Variants in KDM5B observed in about 807,000 individuals in gnomAD.
KDM5B encodes the protein lysine-specific demethylase 5B.
KDM5B carries 144 observed loss-of-function variants against 193.4 expected under a neutral mutation model. The ratio of observed to expected loss-of-function variants is 0.74; its 90% CI spans 0.65 to 0.86. The LOEUF is 0.86. Among genes scored for constraint, KDM5B ranks in the 40% least tolerant of loss-of-function variants. The pLI, the probability that KDM5B is intolerant of heterozygous loss-of-function variation, is 0.00. For missense variants in KDM5B, 1,833 were observed against 1,886.9 expected (o/e 0.97, Z 0.53); for synonymous variants, 668 against 682.6 (o/e 0.98, Z 0.33).
intron 8 of KDM5B, among the ~76,000 whole-genome samples, chr1:202,759,967 G>A (rs1656180101): frequency 6.6e-6 from 1 of 152,008 alleles, no homozygotes; most frequent in Non-Finnish European, 1.5e-5. Context: ...TCCTATTCAG[G>A]TCCATCCCAG....
At position 202,750,862 on chromosome 1, in the gene KDM5B, T is replaced by C. The variant is rs143401352; in HGVS notation, c.1702-84A>G. The stretch of plus-strand genomic sequence containing the variant: ...GACAATCTGGACACAGTCTATTAGA[T>C]AATTTTCAAAAAAAGGCAGCTTTCT... On this transcript the variant is annotated intron_variant, in intron 12 of 26. Transcript: ENST00000367265. 9 of 1,399,942 alleles carry C rather than the reference T, an allele frequency of 6.4e-6. No homozygotes were observed. In the East Asian group the frequency reaches 1.8e-4, roughly 29 times the overall value. The allele number at this position is 1,399,942 out of a possible 1,614,324, so 86.7% of individuals were successfully genotyped here. A position where few individuals can be genotyped will look rare whatever the true frequency, so the allele number is the denominator to read the frequency against.
chr1:202,740,589 C>A (rs1438991878), intron 20 of KDM5B, 85 bp downstream of exon 20: 2 of 1,318,154 alleles, frequency 1.5e-6, no homozygotes, highest in Non-Finnish European at 2.1e-6. Context: ...GGGGGCTGAC[C>A]CCCCCACCTC....
At chr1:202,781,881 T>C (rs1463357486) in intron 1 of KDM5B, among the ~76,000 whole-genome samples, 3 of 152,340 alleles carry the variant, frequency 2.0e-5, no homozygotes, top group Admixed American at 1.3e-4. Flanking sequence ...TATAATGTTA[T>C]TCCCTGATTG....
At chr1:202,741,069 A>G (rs1407673098) in intron 19 of KDM5B, among the ~76,000 whole-genome samples, 1 of 152,128 alleles carries the variant, frequency 6.6e-6, no homozygotes, top group African/African-American at 2.4e-5. Flanking sequence ...ATTTGTAAAT[A>G]TTTTCCTCTC....
chr1:202,793,665 T>C (rs1657729700), intron 1 of KDM5B, among the ~76,000 whole-genome samples: 2 of 152,216 alleles, frequency 1.3e-5, no homozygotes, highest in Non-Finnish European at 2.9e-5. Flanking sequence ...AAAATCTCTA[T>C]TCTCTTGAAG....
At chr1:202,786,775 G>A (rs138372471) in intron 1 of KDM5B, among the ~76,000 whole-genome samples, 1 of 152,150 alleles carries the variant, frequency 6.6e-6, no homozygotes, top group South Asian at 2.1e-4. Flanking sequence ...GGCCGGGCGT[G>A]GTGGCTCACA....
Position 202,742,415 on chromosome 1 carries a change from G to T in KDM5B, c.2565C>A (p.Val855=), listed in dbSNP as rs367889434. The T allele has an allele frequency of 2.5e-6, 4 of 1,613,634 alleles. No homozygotes were observed. Among genetic ancestry groups the T allele is most frequent in the South Asian group, 2.2e-5 (2 of 91,066 alleles). Reference sequence around the variant, plus strand: ...CCTTTAGTAATGGTGTCTGACTGAGGACACATGGAAGAGCATACAGCTGTG... The same window carrying T: ...CCTTTAGTAATGGTGTCTGACTGAGTACACATGGAAGAGCATACAGCTGTG... The part of the protein sequence containing the change: ...FVTQLYALPC[V]LSQTPLLKDL... The change falls in exon 18 of 27, where the codon GTC becomes GTA. Residue 855 remains valine (V), a synonymous_variant. Coordinates refer to ENST00000367265, the MANE Select transcript of KDM5B (RefSeq NM_006618.5).
At chr1:202,774,590 T>A in intron 3 of KDM5B, 23 bp downstream of exon 3, 1 of 1,590,518 alleles carries the variant, frequency 6.3e-7, no homozygotes, top group East Asian at 2.2e-5. Flanking sequence ...ATAAAATAAG[T>A]AAGATGGTCA....
At chr1:202,773,572 T>C (rs1170818701) in intron 3 of KDM5B, among the ~76,000 whole-genome samples, 1 of 152,152 alleles carries the variant, frequency 6.6e-6, no homozygotes, top group African/African-American at 2.4e-5. Flanking sequence ...CCAGGTTACC[T>C]AAAACTAAAT....
intron 12 of KDM5B, 63 bp downstream of exon 12, chr1:202,752,842 A>G (rs1194266170): frequency 6.8e-7 from 1 of 1,466,364 alleles, no homozygotes; most frequent in African/African-American, 1.4e-5. Context: ...AAAAGTGAAT[A>G]AAAAGGAAAA....
intron 20 of KDM5B, among the ~76,000 whole-genome samples, chr1:202,737,381 G>C (rs1044291983): frequency 1.3e-5 from 2 of 152,158 alleles, no homozygotes; most frequent in Admixed American, 6.5e-5. Context: ...AGGTAAAGCT[G>C]CTGTTGCCGA....
chr1:202,796,029 G>C (rs181337080), intron 1 of KDM5B: 130 of 193,908 alleles, frequency 6.7e-4, no homozygotes, highest in Non-Finnish European at 5.8e-4. Context: ...GAAGCTGCAA[G>C]ATGACTGACA....
chr1:202,790,210 C>T (rs990753332), intron 1 of KDM5B, among the ~76,000 whole-genome samples: 1 of 151,054 alleles, frequency 6.6e-6, no homozygotes, highest in African/African-American at 2.4e-5. Flanking sequence ...TTGCGGTAAG[C>T]CGAGATCACG....
intron 16 of KDM5B, 76 bp from the exon 17 acceptor site, chr1:202,742,881 TGGTTTTGTCA>T: frequency 8.0e-7 from 1 of 1,251,008 alleles, no homozygotes; most frequent in Non-Finnish European, 1.1e-6. Context: ...CAGAGGAGAC[TGGTTTTGTCA>T]GTTCTTGTCT....
Position 202,756,403 on chromosome 1 carries a change from G to A in KDM5B, c.1311C>T (p.Gly437=), listed in dbSNP as rs750762859. ...ADIASKEFGS[G]FPVRDGKIKL... Reference sequence around the variant, plus strand: ...TGATTTTCCCATCTCGGACAGGAAAGCCACTGCCAAATTCCTTTGAGGCAA... The same window carrying A: ...TGATTTTCCCATCTCGGACAGGAAAACCACTGCCAAATTCCTTTGAGGCAA... The change falls in exon 10 of 27, where the codon GGC becomes GGT. Residue 437 remains glycine, a synonymous_variant. Transcript: ENST00000367265. 3.7e-5 allele frequency: 60 copies of A among 1,613,224 alleles called. 1 individual carries two copies. The Admixed American group carries it at 7.5e-4, about 20-fold the overall frequency.
intron 1 of KDM5B, among the ~76,000 whole-genome samples, chr1:202,793,849 G>A (rs1424565510): frequency 3.3e-5 from 5 of 152,132 alleles, no homozygotes; most frequent in Non-Finnish European, 7.4e-5. Flanking sequence ...GGTTACCAGA[G>A]AAAAACAGTA....
intron 1 of KDM5B, among the ~76,000 whole-genome samples, chr1:202,795,310 C>T (rs2102337402): frequency 6.6e-6 from 1 of 152,136 alleles, no homozygotes; most frequent in East Asian, 1.9e-4. Context: ...TATTTTTGGA[C>T]AGCAGTTGAC....
rs769782091 is a variant in KDM5B at position 202,774,715 on chromosome 1, C to T, written c.303G>A (p.Leu101=). The change falls in exon 3 of 27, where the codon TTG becomes TTA. Residue 101 remains leucine, a synonymous_variant. Coordinates refer to ENST00000367265, the MANE Select transcript of KDM5B (RefSeq NM_006618.5). ...NELEAQTRVK[L]NFLDQIAKYW... ...ACTTTGCAATCTGGTCCAAGAAATT[C>T]AATTTTACACGAGTTTGGGCCTAAA... 18 of 1,613,252 alleles carry T rather than the reference C, an allele frequency of 1.1e-5. 1 individual carries two copies. In the East Asian group the frequency reaches 3.8e-4, roughly 34 times the overall value.
intron 12 of KDM5B, 100 bp from the exon 13 acceptor site, chr1:202,750,878 G>A (rs1655762533): frequency 7.9e-7 from 1 of 1,269,170 alleles, no homozygotes; most frequent in Admixed American, 2.3e-5. Flanking sequence ...TCAAAAAAAG[G>A]CAGCTTTCTG....
Sources: gnomAD v4.1 joint callset for allele counts (sites outside exome capture counted in the v4.1 genomes callset) on GRCh38, gnomAD v4.1.1 for gene constraint, MANE v1.5 for transcripts, NCBI Gene and HGNC (gene_info 2026-07-23, HGNC 2026-07-21) for gene names.